Variants in MARCHF1 observed in about 807,000 individuals in gnomAD.
MARCHF1 encodes membrane associated ring-CH-type finger 1.
In MARCHF1, 40 loss-of-function variants were observed where a neutral mutation model predicts 54.2. The observed-to-expected ratio is 0.74, with a 90% CI of 0.57 to 0.96. The LOEUF is 0.96. Ranked by LOEUF, MARCHF1 falls within the 40% of genes least tolerant of loss-of-function variation. MARCHF1 has a pLI of 0.00. For missense variants in MARCHF1, 586 were observed against 656.5 expected, an observed-to-expected ratio of 0.89 and a Z score of 1.17; for synonymous variants, 236 against 236.3, an observed-to-expected ratio of 1.00 and a Z score of 0.01.
chr4:163,864,590 A>G (rs1306508286), intron 3 of MARCHF1, among the ~76,000 whole-genome samples: 1 of 152,034 alleles, frequency 6.6e-6, no homozygotes, highest in African/African-American at 2.4e-5. Context: ...TGTAATAAAT[A>G]TGTACCCTAT....
At chr4:163,643,069 T>C (rs1742613712) in intron 5 of MARCHF1, among the ~76,000 whole-genome samples, 1 of 150,980 alleles carries the variant, frequency 6.6e-6, no homozygotes, top group Non-Finnish European at 1.5e-5. Flanking sequence ...TCCCAGCAGT[T>C]TGGGAGGCCA....
intron 2 of MARCHF1, among the ~76,000 whole-genome samples, chr4:164,087,739 C>T (rs917468396): frequency 3.3e-5 from 5 of 151,984 alleles, no homozygotes; most frequent in Admixed American, 3.3e-4. Flanking sequence ...GACAAAACAG[C>T]CCTCTTGGTC....
chr4:163,601,837 A>T (rs1299281304), intron 7 of MARCHF1, among the ~76,000 whole-genome samples: 1 of 152,066 alleles, frequency 6.6e-6, no homozygotes, highest in Non-Finnish European at 1.5e-5. Context: ...TTCAGAATAC[A>T]TGCTATTTCT....
Position 163,861,782 on chromosome 4 carries a change from G to C in MARCHF1, c.-38-7613C>G, listed in dbSNP as rs996762642. Among the ~76,000 whole-genome samples, 44 of 151,888 alleles carry C rather than the reference G, an allele frequency of 2.9e-4. 1 individual carries two copies. The highest frequency in any genetic ancestry group is 9.2e-4 in the African/African-American group (38 of 41,394). ...CTACACTAGTCAAGGCAATACTGAA[G>C]AAAAACAAAGTTGGAGAACTCACAC... On this transcript the variant is annotated intron_variant, in intron 3 of 9. Transcript: ENST00000514618.
Position 164,373,448 on chromosome 4 carries a change from A to C in MARCHF1, c.-323+10422T>G, listed in dbSNP as rs1731097217. Among the ~76,000 whole-genome samples, 3 of 131,388 alleles carry C rather than the reference A, an allele frequency of 2.3e-5. No homozygotes were observed. In the South Asian group the frequency reaches 7.3e-4, roughly 32 times the overall value. The allele number at this position is 131,388 out of a possible 152,430, so 86.2% of individuals were successfully genotyped here. On this transcript the variant is annotated intron_variant, in intron 1 of 9. Transcript: ENST00000514618. The stretch of plus-strand genomic sequence containing the variant: ...TGGCTCACTGCTATCTCCACCTCCC[A>C]GGTTCAAGTGATTCTCCTGCCTCAG...
intron 7 of MARCHF1, among the ~76,000 whole-genome samples, chr4:163,606,912 A>G (rs187230714): frequency 1.3e-5 from 2 of 152,220 alleles, no homozygotes; most frequent in South Asian, 2.1e-4. Flanking sequence ...CAGGCTAATT[A>G]TATGCCTTCC....
chr4:164,136,719 T>C (rs1347554850), intron 1 of MARCHF1, among the ~76,000 whole-genome samples: 1 of 152,166 alleles, frequency 6.6e-6, no homozygotes, highest in African/African-American at 2.4e-5. Context: ...CCCCCAAGGC[T>C]GGCTTCCCAT....
intron 1 of MARCHF1, among the ~76,000 whole-genome samples, chr4:164,231,832 A>C (rs1234172953): frequency 6.6e-6 from 1 of 152,146 alleles, no homozygotes; most frequent in African/African-American, 2.4e-5. Flanking sequence ...TTCTGACAGA[A>C]AAATAAGTTC....
At chr4:163,889,853 TTA>T (rs1750616052) in intron 3 of MARCHF1, among the ~76,000 whole-genome samples, 4 of 139,904 alleles carry the variant, frequency 2.9e-5, no homozygotes, top group Non-Finnish European at 4.6e-5. Context: ...TACCTGCAGA[TTA>T]AAAAAAAAAA....
chr4:163,893,558 C>G (rs540425536), intron 3 of MARCHF1, among the ~76,000 whole-genome samples: 1 of 152,106 alleles, frequency 6.6e-6, no homozygotes, highest in Non-Finnish European at 1.5e-5. Context: ...AAATAATTTT[C>G]TGACACGTAA....
At chr4:163,829,856 G>A (rs1003093603) in intron 4 of MARCHF1, among the ~76,000 whole-genome samples, 1 of 152,186 alleles carries the variant, frequency 6.6e-6, no homozygotes, top group Non-Finnish European at 1.5e-5. Flanking sequence ...GTATACAGGA[G>A]ATAAGCTTCT....
At position 164,031,142 on chromosome 4, in the gene MARCHF1, G is replaced by A. The variant is rs553547261; in HGVS notation, c.-247-42433C>T. 3.3e-5 allele frequency among the ~76,000 whole-genome samples: 5 copies of A among 152,180 alleles called. No homozygotes were observed. The South Asian group carries it at 8.3e-4, about 25-fold the overall frequency. The stretch of plus-strand genomic sequence containing the variant: ...AGTGGTGACAGAAGGCATCCTTATC[G>A]TGTGCCAGTTTTCAAAGGGAATGCT... On this transcript the variant is annotated intron_variant, in intron 2 of 9. Transcript: ENST00000514618.
rs747074208 is a variant in MARCHF1, at chr4:164,197,702, CCAT to C, written c.-322-86043_-322-86041del. On this transcript the variant is annotated intron_variant, in intron 1 of 9. Transcript: ENST00000514618. ...CGCAGCTCTGAATGAATCCGTCTGC[CCAT>C]CTCCATCTCTCGCGCTCTCTGTCTG... 5 of 1,611,990 alleles carry C rather than the reference CCAT, an allele frequency of 3.1e-6. No homozygotes were observed. The African/African-American group carries it at 6.7e-5, about 22-fold the overall frequency.
intron 8 of MARCHF1, chr4:163,585,352 GTTGT>G (rs2110822862): frequency 6.5e-6 from 1 of 153,336 alleles, no homozygotes; most frequent in Non-Finnish European, 1.5e-5. Context: ...ATGAGTTGAT[GTTGT>G]TTAAGGCAAT....
chr4:164,276,420 ATC>A (rs1261320227), intron 1 of MARCHF1, among the ~76,000 whole-genome samples: 4 of 151,936 alleles, frequency 2.6e-5, no homozygotes, highest in Non-Finnish European at 4.4e-5. Context: ...ACTCTATACT[ATC>A]TCTGTTACTA....
intron 4 of MARCHF1, among the ~76,000 whole-genome samples, chr4:163,772,207 A>G (rs1035512178): frequency 6.6e-6 from 1 of 152,196 alleles, no homozygotes; most frequent in Non-Finnish European, 1.5e-5. Context: ...GGTGATTACC[A>G]TTAGTAATAA....
At chr4:163,908,574 A>G (rs1751121035) in intron 3 of MARCHF1, among the ~76,000 whole-genome samples, 1 of 152,186 alleles carries the variant, frequency 6.6e-6, no homozygotes, top group Non-Finnish European at 1.5e-5. Context: ...GCTGGATTTG[A>G]AGGAGGCTAA....
chr4:164,264,172 G>A (rs2111286711), intron 1 of MARCHF1, among the ~76,000 whole-genome samples: 1 of 152,260 alleles, frequency 6.6e-6, no homozygotes, highest in South Asian at 2.1e-4. Flanking sequence ...ATTAAAAAAT[G>A]ATATCATGTC....
chr4:163,958,047 C>T (rs1267611595), intron 3 of MARCHF1, among the ~76,000 whole-genome samples: 1 of 152,036 alleles, frequency 6.6e-6, no homozygotes, highest in African/African-American at 2.4e-5. Flanking sequence ...GTTCCCTGGA[C>T]ACTTCTCAAC....
Sources: gnomAD v4.1 joint callset for allele counts (sites outside exome capture counted in the v4.1 genomes callset) on GRCh38, gnomAD v4.1.1 for gene constraint, MANE v1.5 for transcripts, NCBI Gene and HGNC (gene_info 2026-07-23, HGNC 2026-07-21) for gene names.